CYP7B1: variants seen among roughly 807,000 people sequenced by gnomAD.
The protein encoded by CYP7B1 is cytochrome P450 family 7 subfamily B member 1, also known as cytochrome P450 7B1.
A neutral mutation model predicts 42.7 loss-of-function variants in CYP7B1; 29 were observed. The ratio of observed to expected loss-of-function variants is 0.68; its 90% confidence interval spans 0.51 to 0.93. The LOEUF (loss-of-function observed/expected upper bound fraction) is 0.93. CYP7B1 is among the 40% of genes least tolerant of loss of function. CYP7B1 has a pLI of 0.00. For missense variants in CYP7B1, 655 were observed against 600.5 expected (o/e 1.09, Z -0.95); for synonymous variants, 235 against 218.2 (o/e 1.08, Z -0.68).
intron 1 of CYP7B1, among the ~76,000 whole-genome samples, chr8:64,774,692 G>A (rs989576418): frequency 8.5e-5 from 13 of 152,060 alleles, no homozygotes; most frequent in South Asian, 8.3e-4. Flanking sequence ...GGCAGAAATC[G>A]GAGCTTATTA....
chr8:64,757,093 C>A (rs1807820463), intron 1 of CYP7B1, among the ~76,000 whole-genome samples: 1 of 152,152 alleles, frequency 6.6e-6, no homozygotes, highest in Non-Finnish European at 1.5e-5. Context: ...CAAGCATTGG[C>A]CAAACAAGAG....
intron 1 of CYP7B1, among the ~76,000 whole-genome samples, chr8:64,712,821 A>G (rs890027643): frequency 6.6e-6 from 1 of 151,586 alleles, no homozygotes; most frequent in African/African-American, 2.4e-5. Flanking sequence ...TTGTATAATT[A>G]ATTTTCTTAA....
chr8:64,761,743 C>A (rs1263439196), intron 1 of CYP7B1, among the ~76,000 whole-genome samples: 1 of 152,194 alleles, frequency 6.6e-6, no homozygotes, highest in East Asian at 1.9e-4. Context: ...GCACATAAAC[C>A]AGAATATATT....
intron 1 of CYP7B1, among the ~76,000 whole-genome samples, chr8:64,641,046 CCATTGTGATTCATAA>C (rs1805847488): frequency 6.6e-6 from 1 of 152,254 alleles, no homozygotes; most frequent in South Asian, 2.1e-4. Context: ...TGGCACTTAG[CCATTGTGATTCATAA>C]ACTATAGTGC....
At chr8:64,780,764 T>C (rs191472245) in intron 1 of CYP7B1, among the ~76,000 whole-genome samples, 395 of 152,272 alleles carry the variant, frequency 2.6e-3, no homozygotes, top group African/African-American at 9.2e-3. Flanking sequence ...ATTTTTCTTC[T>C]GCGGATGTGG....
intron 1 of CYP7B1, among the ~76,000 whole-genome samples, chr8:64,794,757 G>T (rs940028887): frequency 2.6e-5 from 4 of 152,172 alleles, no homozygotes; most frequent in Non-Finnish European, 5.9e-5. Flanking sequence ...CATCACCAAA[G>T]AAGAGAGAAT....
At chr8:64,780,546 T>C (rs1185764233) in intron 1 of CYP7B1, among the ~76,000 whole-genome samples, 1 of 152,080 alleles carries the variant, frequency 6.6e-6, no homozygotes, top group East Asian at 1.9e-4. Context: ...CCATCCCAAA[T>C]ACTTCTACAT....
chr8:64,652,537 A>G (rs2129631233), intron 1 of CYP7B1, among the ~76,000 whole-genome samples: 1 of 152,310 alleles, frequency 6.6e-6, no homozygotes, highest in South Asian at 2.1e-4. Context: ...AAAATCTTGC[A>G]ATTACATGGA....
chr8:64,668,673 G>GT lies in CYP7B1; in HGVS notation c.123-44135dup, dbSNP rs1330101625. Among the ~76,000 whole-genome samples the GT allele has an allele frequency of 3.1e-4, 35 of 112,636 alleles. No homozygotes were observed. In the South Asian group the frequency reaches 4.3e-3, roughly 14 times the overall value. 73.9% of individuals were successfully genotyped at this position (112,636 alleles called of 152,430 possible). Reference sequence around the variant, plus strand: ...AAGGAGCTTGATACTGTTTTGGTTTGTTTTTTTTTAAAAGGAAAAAAAATC... The same window carrying GT: ...AAGGAGCTTGATACTGTTTTGGTTTGTTTTTTTTTTAAAAGGAAAAAAAATC... On this transcript the variant is annotated intron_variant, in intron 1 of 5. Coordinates refer to ENST00000310193, the MANE Select transcript of CYP7B1 (RefSeq NM_004820.5).
At chr8:64,785,815 C>G (rs1804517141) in intron 1 of CYP7B1, among the ~76,000 whole-genome samples, 1 of 152,032 alleles carries the variant, frequency 6.6e-6, no homozygotes, top group Non-Finnish European at 1.5e-5. Context: ...TGAAGACATA[C>G]CCGAGACTGG....
intron 2 of CYP7B1, among the ~76,000 whole-genome samples, chr8:64,622,166 C>A (rs150377171): frequency 2.7e-5 from 4 of 149,024 alleles, no homozygotes; most frequent in African/African-American, 5.2e-5. Context: ...TTGCATAATA[C>A]TGCATAAAAT....
chr8:64,669,289 A>T (rs1350243374), intron 1 of CYP7B1, among the ~76,000 whole-genome samples: 1 of 152,016 alleles, frequency 6.6e-6, no homozygotes, highest in African/African-American at 2.4e-5. Flanking sequence ...ATACAAAATG[A>T]TTTCTAAGTC....
intron 1 of CYP7B1, among the ~76,000 whole-genome samples, chr8:64,634,503 TG>T (rs2129630800): frequency 6.6e-6 from 1 of 150,770 alleles, no homozygotes; most frequent in Non-Finnish European, 1.5e-5. Context: ...CGCTTGAACC[TG>T]GGAGATGGAG....
Position 64,775,161 on chromosome 8 carries a change from A to C in CYP7B1, c.122+23305T>G, listed in dbSNP as rs1047267286. Among the ~76,000 whole-genome samples, 10 of 152,044 alleles carry C rather than the reference A, an allele frequency of 6.6e-5. 1 individual carries two copies. The highest frequency in any genetic ancestry group is 3.9e-4 in the East Asian group (2 of 5,182). ...TAGTAAATAAATTCCATAAAAAAAA[A>C]CACTCTAATTCTCTGAAATAGCATT... On this transcript the variant is annotated intron_variant, in intron 1 of 5. Transcript: ENST00000310193.
At chr8:64,668,330 TA>T (rs1396189228) in intron 1 of CYP7B1, among the ~76,000 whole-genome samples, 1 of 152,132 alleles carries the variant, frequency 6.6e-6, no homozygotes, top group African/African-American at 2.4e-5. Flanking sequence ...TAAAATGCAG[TA>T]AAAACTTGTT....
intron 1 of CYP7B1, among the ~76,000 whole-genome samples, chr8:64,665,494 G>A (rs1806261123): frequency 6.9e-6 from 1 of 144,276 alleles, no homozygotes; most frequent in African/African-American, 2.6e-5. Flanking sequence ...TTTGGGCAAA[G>A]TGTTTTAACT....
At chr8:64,586,834 G>A (rs1365505584), downstream of CYP7B1, among the ~76,000 whole-genome samples, 3 of 152,122 alleles carry the variant, frequency 2.0e-5, no homozygotes, top group African/African-American at 7.2e-5. Context: ...TCTCTGTATT[G>A]GCATATACAA....
At chr8:64,762,522 T>TA (rs551830897) in intron 1 of CYP7B1, among the ~76,000 whole-genome samples, 5 of 151,954 alleles carry the variant, frequency 3.3e-5, no homozygotes, top group East Asian at 1.9e-4. Context: ...TGCAAATAGG[T>TA]AAAAAAAATA....
At chr8:64,721,572 T>A (rs1051051264) in intron 1 of CYP7B1, among the ~76,000 whole-genome samples, 1 of 152,184 alleles carries the variant, frequency 6.6e-6, no homozygotes, top group Non-Finnish European at 1.5e-5. Flanking sequence ...AAAAGATTAA[T>A]ATTTGTGATG....
Sources: gnomAD v4.1 joint callset for allele counts (sites outside exome capture counted in the v4.1 genomes callset) on GRCh38, gnomAD v4.1.1 for gene constraint, MANE v1.5 for transcripts, NCBI Gene and HGNC (gene_info 2026-07-23, HGNC 2026-07-21) for gene names.